The following LYPLAL1 variants were observed in gnomAD, a reference collection of about 807,000 sequenced individuals.
LYPLAL1 encodes the protein lysophospholipase like 1, also known as lysophospholipase-like protein 1.
Under a neutral mutation model 19.7 loss-of-function variants are expected in LYPLAL1, and 23 were observed. The observed-to-expected ratio is 1.17, with a 90% CI of 0.84 to 1.65. The LOEUF is 1.65. LYPLAL1 is among the 40% of genes most tolerant of loss of function. The pLI, the probability that LYPLAL1 is intolerant of heterozygous loss-of-function variation, is 0.00. For missense variants in LYPLAL1, 355 were observed against 279.4 expected (o/e 1.27, Z -1.93); for synonymous variants, 119 against 96.3 (o/e 1.24, Z -1.38).
chr1:219,260,402 C>G, the LYPLAL1 span, among the ~76,000 whole-genome samples: 1 of 151,472 alleles, frequency 6.6e-6, no homozygotes, highest in Admixed American at 6.6e-5. Context: ...AAGAACTAAT[C>G]AGAATAAAGA....
chr1:219,283,532 C>A, the LYPLAL1 span, among the ~76,000 whole-genome samples: 1 of 152,150 alleles, frequency 6.6e-6, no homozygotes, highest in Admixed American at 6.5e-5. Context: ...CTGTTTCGTG[C>A]TAGTTGAAAT....
At chr1:219,279,534 A>G in the LYPLAL1 span, among the ~76,000 whole-genome samples, 3 of 152,228 alleles carry the variant, frequency 2.0e-5, no homozygotes, top group Non-Finnish European at 4.4e-5. Context: ...CACAGAGTGT[A>G]GGATTTTCCT....
chr1:219,231,994 C>T, the LYPLAL1 span, among the ~76,000 whole-genome samples: 1 of 152,174 alleles, frequency 6.6e-6, no homozygotes, highest in Non-Finnish European at 1.5e-5. Context: ...TGTCTTGAGA[C>T]TATTGTCCCT....
chr1:219,410,515 C>T, the LYPLAL1 span, among the ~76,000 whole-genome samples: 2 of 152,224 alleles, frequency 1.3e-5, no homozygotes, highest in African/African-American at 4.8e-5. Context: ...CTCGCTTGCT[C>T]TCAGCACCTC....
At chr1:219,250,791 A>G in the LYPLAL1 span, among the ~76,000 whole-genome samples, 6 of 152,210 alleles carry the variant, frequency 3.9e-5, no homozygotes, top group South Asian at 2.1e-4. Flanking sequence ...TTATGATACA[A>G]TGATTTATAT....
the LYPLAL1 span, among the ~76,000 whole-genome samples, chr1:219,333,415 A>T: frequency 4.6e-5 from 7 of 151,978 alleles, no homozygotes; most frequent in East Asian, 1.4e-3. Flanking sequence ...TTGTACAGTC[A>T]TACATGGCAG....
At chr1:219,404,636 C>T in the LYPLAL1 span, among the ~76,000 whole-genome samples, 1 of 152,118 alleles carries the variant, frequency 6.6e-6, no homozygotes, top group South Asian at 2.1e-4. Context: ...GGCTGGAAAT[C>T]AAAGAGATGT....
chr1:219,238,445 C>G, the LYPLAL1 span, among the ~76,000 whole-genome samples: 1 of 151,620 alleles, frequency 6.6e-6, no homozygotes, highest in South Asian at 2.1e-4. Flanking sequence ...GCCACTGCGC[C>G]CGGCCTAAAC....
the LYPLAL1 span, among the ~76,000 whole-genome samples, chr1:219,422,943 A>T: frequency 6.6e-6 from 1 of 152,184 alleles, no homozygotes; most frequent in Non-Finnish European, 1.5e-5. Context: ...TCATTATAAA[A>T]ATGAAAATCC....
At chr1:219,264,128 A>G in the LYPLAL1 span, among the ~76,000 whole-genome samples, 6 of 152,280 alleles carry the variant, frequency 3.9e-5, no homozygotes, top group Middle Eastern at 0.01. Context: ...ACCTATCTCC[A>G]GTGTCAAAGT....
chr1:219,175,750 C>G (rs777577935), intron 1 of LYPLAL1, among the ~76,000 whole-genome samples: 2 of 151,948 alleles, frequency 1.3e-5, no homozygotes, highest in Non-Finnish European at 2.9e-5. Context: ...TCATCTTTAT[C>G]GTTGGGAGTA....
At chr1:219,258,769 T>G in the LYPLAL1 span, among the ~76,000 whole-genome samples, 4 of 152,036 alleles carry the variant, frequency 2.6e-5, no homozygotes, top group African/African-American at 9.7e-5. Context: ...AATAAATAGA[T>G]GGGCCTTAAT....
chr1:219,180,595 A>G (rs1345319110), intron 2 of LYPLAL1, among the ~76,000 whole-genome samples: 3 of 152,326 alleles, frequency 2.0e-5, no homozygotes, highest in East Asian at 3.9e-4. Context: ...GAAAATGTCA[A>G]AAAAGCTTCT....
At chr1:219,370,695 C>G in the LYPLAL1 span, among the ~76,000 whole-genome samples, 1 of 152,288 alleles carries the variant, frequency 6.6e-6, no homozygotes, top group East Asian at 1.9e-4. Flanking sequence ...AGAACATGAA[C>G]AACCTCTCAG....
the LYPLAL1 span, among the ~76,000 whole-genome samples, chr1:219,419,594 C>CAGAG: frequency 5.1e-3 from 511 of 99,570 alleles, 16 homozygotes; most frequent in African/African-American, 0.018. Flanking sequence ...CACACACACA[C>CAGAG]AGAGAGAGAG....
chr1:219,285,230 G>A, the LYPLAL1 span, among the ~76,000 whole-genome samples: 11 of 152,214 alleles, frequency 7.2e-5, no homozygotes, highest in South Asian at 8.3e-4. Context: ...ACATACAAAC[G>A]AAATCAGAAT....
chr1:219,202,567 C>G (rs1300292266), intron 3 of LYPLAL1, among the ~76,000 whole-genome samples: 1 of 152,164 alleles, frequency 6.6e-6, no homozygotes, highest in Non-Finnish European at 1.5e-5. Context: ...GATTTAAGTG[C>G]TATTCATAAC....
At chr1:219,346,123 A>C in the LYPLAL1 span, among the ~76,000 whole-genome samples, 1 of 152,184 alleles carries the variant, frequency 6.6e-6, no homozygotes. Context: ...TGAGACTATG[A>C]GTATTGCCAG....
chr1:219,306,741 C>CATAGATAGATAGATAGATAG, the LYPLAL1 span, among the ~76,000 whole-genome samples: 121 of 128,170 alleles, frequency 9.4e-4, 2 homozygotes, highest in East Asian at 2.1e-3. Flanking sequence ...CAGACAGATG[C>CATAGATAGATAGATAGATAG]ATAGATAGAT....
Sources: allele counts gnomAD v4.1 joint callset (sites outside exome capture counted in the v4.1 genomes callset), GRCh38; gene constraint gnomAD v4.1.1; transcripts MANE v1.5; gene names NCBI Gene and HGNC (gene_info 2026-07-23, HGNC 2026-07-21).